Variants in CCDC180 observed in about 807,000 individuals in gnomAD.
CCDC180 encodes the protein coiled-coil domain containing 180, also known as coiled-coil domain-containing protein 180.
Under a neutral mutation model 209.2 loss-of-function variants are expected in CCDC180, and 154 were observed. That is an observed-to-expected ratio of 0.74 (90% CI 0.65 to 0.84). The LOEUF is 0.84. Ranked by LOEUF, CCDC180 falls within the 40% of genes least tolerant of loss-of-function variation. CCDC180 has a pLI of 0.00. For synonymous variants in CCDC180, 778 were observed against 749.1 expected (o/e 1.04, Z -0.63); for missense variants, 1,874 against 1,997.3 (o/e 0.94, Z 1.18).
chr9:97,316,931 C>T, intron 8 of CCDC180, 134 bp from the exon 9 acceptor site: 3 of 788,934 alleles, frequency 3.8e-6, no homozygotes, highest in Non-Finnish European at 6.1e-6. Flanking sequence ...CCCTTCAGGC[C>T]CTGCAACCAC....
At chr9:97,362,866 C>G (rs551755338) in intron 28 of CCDC180, among the ~76,000 whole-genome samples, 1 of 152,220 alleles carries the variant, frequency 6.6e-6, no homozygotes, top group African/African-American at 2.4e-5. Flanking sequence ...GCCTGGTTGA[C>G]ATGGGTTTGT....
At chr9:97,369,883 C>G (rs1045224155) in intron 31 of CCDC180, 39 bp from the exon 32 acceptor site, 1 of 1,610,640 alleles carries the variant, frequency 6.2e-7, no homozygotes, top group Non-Finnish European at 8.5e-7. Flanking sequence ...TGATTCTAAT[C>G]TGTTCCCTCC....
chr9:97,309,594 G>C lies in CCDC180; in HGVS notation c.250G>C (p.Val84Leu), dbSNP rs1184032859. The C allele has an allele frequency of 6.3e-7, 1 of 1,583,352 alleles. No homozygotes were observed. The highest frequency in any genetic ancestry group is 8.6e-7 in the Non-Finnish European group (1 of 1,167,078). The change falls in exon 3 of 37, where the codon GTT (valine) becomes CTT (leucine). Residue 84 changes from valine to leucine, a missense_variant. Transcript: ENST00000529487. ...LPNDWIMENP[V>L]LHREKERAKR... ...CAACGACTGGATCATGGAAAACCCT[G>C]TTCTCCACAGGTAGGTCCTGTTGTC... is the stretch of plus-strand genomic sequence containing the variant.
Position 97,319,150 on chromosome 9 carries a change from G to A in CCDC180, c.1079+568G>A, listed in dbSNP as rs532477525. Among the ~76,000 whole-genome samples, 3 of 152,296 alleles carry A rather than the reference G, an allele frequency of 2.0e-5. No homozygotes were observed. The South Asian group carries it at 6.2e-4, about 32-fold the overall frequency. ...GGCCTGCTTAGTCTGAAGGTGAGGT[G>A]AGGGGAAGAAGCACATTAGGAAAAA... On this transcript the variant is annotated intron_variant, in intron 10 of 36. Transcript: ENST00000529487.
At chr9:97,354,532 T>C (rs1826513443) in intron 22 of CCDC180, 37 bp from the exon 23 acceptor site, 1 of 1,610,798 alleles carries the variant, frequency 6.2e-7, no homozygotes, top group Non-Finnish European at 8.5e-7. Context: ...CTCTTAGGTC[T>C]GATCTGTGGC....
intron 22 of CCDC180, among the ~76,000 whole-genome samples, chr9:97,352,988 T>C (rs147157290): frequency 1.3e-3 from 195 of 151,158 alleles, no homozygotes; most frequent in African/African-American, 4.3e-3. Flanking sequence ...TATATATATA[T>C]ACACATATAT....
rs144975486 is a variant in CCDC180, at chr9:97,344,832, C to T, written c.2498+1269C>T. 2.4e-4 allele frequency among the ~76,000 whole-genome samples: 36 copies of T among 152,288 alleles called. 1 individual carries two copies. The East Asian group carries it at 6.2e-3, about 26-fold the overall frequency. Reference sequence around the variant, plus strand: ...TTGCCCAAATATGACACAGTTGATACCCAAAGCCCACAAGAAATAGAACCA... The same window carrying T: ...TTGCCCAAATATGACACAGTTGATATCCAAAGCCCACAAGAAATAGAACCA... On this transcript the variant is annotated intron_variant, in intron 19 of 36. Transcript: ENST00000529487.
chr9:97,343,516 A>T lies in CCDC180; in HGVS notation c.2451A>T (p.Ile817=), dbSNP rs1412259211. ...FINDTSSAKF[I]EQVTIPSRLI... Reference sequence around the variant, plus strand: ...ACGACACTTCCAGTGCCAAGTTCATAGAACAAGTGACAATTCCATCGAGAC... The same window carrying T: ...ACGACACTTCCAGTGCCAAGTTCATTGAACAAGTGACAATTCCATCGAGAC... Residue 817 remains isoleucine, a synonymous_variant, in exon 19 of 37, where the codon ATA becomes ATT. Coordinates refer to ENST00000529487, the MANE Select transcript of CCDC180 (RefSeq NM_020893.6). 6.2e-7 allele frequency: 1 copy of T among 1,614,150 alleles called. No homozygotes were observed. Among genetic ancestry groups the T allele is most frequent in the East Asian group, 2.2e-5 (1 of 44,882 alleles).
Position 97,307,676 on chromosome 9 carries a change from C to T in CCDC180, c.-212C>T. 3 of 1,543,796 alleles carry T rather than the reference C, an allele frequency of 1.9e-6. No homozygotes were observed. Among genetic ancestry groups the T allele is most frequent in the Non-Finnish European group, 2.7e-6 (3 of 1,120,062 alleles). On this transcript the variant is annotated 5_prime_UTR_variant, in exon 1 of 37. Coordinates refer to ENST00000529487, the MANE Select transcript of CCDC180 (RefSeq NM_020893.6). Reference sequence around the variant, plus strand: ...GACACCTTGAGCGCCGTTAACTTTTCCCCGAAGAGCATGGCAGAGTGAAGC... The same window carrying T: ...GACACCTTGAGCGCCGTTAACTTTTTCCCGAAGAGCATGGCAGAGTGAAGC...
At chr9:97,359,826 C>T (rs192769348) in intron 25 of CCDC180, among the ~76,000 whole-genome samples, 156 bp from the exon 26 acceptor site, 36 of 152,132 alleles carry the variant, frequency 2.4e-4, no homozygotes, top group African/African-American at 8.4e-4. Context: ...CCCAGCCTTC[C>T]CCACTCCCCA....
Position 97,355,021 on chromosome 9 carries a change from C to T in CCDC180, c.3264+13C>T, listed in dbSNP as rs369365994. On this transcript the variant is annotated intron_variant, in intron 24 of 36. Transcript: ENST00000529487. ...AATCAAGTGCCAGGTAGGATAGATTCATTCTTCATCAAGGATCTTTATCAC... is the reference window on the plus strand; with the variant it reads ...AATCAAGTGCCAGGTAGGATAGATTTATTCTTCATCAAGGATCTTTATCAC... 12 of 1,534,976 alleles carry T rather than the reference C, an allele frequency of 7.8e-6. No individual in the cohort carries two copies. In the East Asian group the frequency reaches 1.8e-4, roughly 23 times the overall value.
intron 23 of CCDC180, 38 bp from the exon 24 acceptor site, chr9:97,354,854 T>C (rs1826528847): frequency 6.4e-7 from 1 of 1,571,954 alleles, no homozygotes; most frequent in African/African-American, 1.4e-5. Flanking sequence ...AAGGTCCAAA[T>C]TAAGCCCCTG....
At chr9:97,357,536 A>G (rs1826616922) in intron 24 of CCDC180, 91 bp from the exon 25 acceptor site, 3 of 809,982 alleles carry the variant, frequency 3.7e-6, no homozygotes, top group Admixed American at 4.6e-5. Context: ...TCAGTGCTTA[A>G]TCAGTTTCTC....
chr9:97,354,814 G>T, intron 23 of CCDC180, 78 bp from the exon 24 acceptor site: 1 of 1,567,488 alleles, frequency 6.4e-7, no homozygotes, highest in Admixed American at 1.7e-5. Context: ...CCATTCACTG[G>T]GCCTGTCCCC....
chr9:97,366,799 G>A lies in CCDC180; in HGVS notation c.4189+99G>A. The A allele has an allele frequency of 7.5e-7, 1 of 1,331,094 alleles. No homozygotes were observed. The highest frequency in any genetic ancestry group is 1.0e-6 in the Non-Finnish European group (1 of 989,562). 82.5% of individuals were successfully genotyped at this position (1,331,094 alleles called of 1,614,324 possible). A position where few individuals can be genotyped will look rare whatever the true frequency, so the allele number is the denominator to read the frequency against. The stretch of plus-strand genomic sequence containing the variant: ...TTGTGGCCTGGATCCTCCCCTCTGG[G>A]GGAGGCAGAAGAGCTTCCCTGTGAA... On this transcript the variant is annotated intron_variant, in intron 31 of 36. Transcript: ENST00000529487. The surrounding 1 kb of genome is among the most constrained non-coding windows in gnomAD (Gnocchi z 4.3).
intron 18 of CCDC180, among the ~76,000 whole-genome samples, chr9:97,331,401 A>G (rs1331735937): frequency 6.6e-6 from 1 of 152,158 alleles, no homozygotes; most frequent in Non-Finnish European, 1.5e-5. Flanking sequence ...ATGTGTCTTT[A>G]TGGTAGAATG....
chr9:97,370,795 A>G lies in CCDC180; in HGVS notation c.4488+17A>G, dbSNP rs1827069424. The G allele has an allele frequency of 6.2e-7, 1 of 1,613,080 alleles. No homozygotes were observed. Among genetic ancestry groups the G allele is most frequent in the Non-Finnish European group, 8.5e-7 (1 of 1,179,552 alleles). Reference sequence around the variant, plus strand: ...AAGCTGGAGGTCAGTGATACCATTGATTCGCCAGTCCAGGCATGCTCCAAA... The same window carrying G: ...AAGCTGGAGGTCAGTGATACCATTGGTTCGCCAGTCCAGGCATGCTCCAAA... On this transcript the variant is annotated intron_variant, in intron 33 of 36. Transcript: ENST00000529487.
rs1301893387 is a variant in CCDC180, at chr9:97,361,716, T to C, written c.3484-10T>C. 3.1e-6 allele frequency: 5 copies of C among 1,613,514 alleles called. No homozygotes were observed. Among genetic ancestry groups the C allele is most frequent in the Non-Finnish European group, 4.2e-6 (5 of 1,179,840 alleles). ...CCTTACACCCTCAGGCCCTTCTCTCTGGCCTGCAGAACACCATCCTGAAGG... is the reference window on the plus strand; with the variant it reads ...CCTTACACCCTCAGGCCCTTCTCTCCGGCCTGCAGAACACCATCCTGAAGG... On this transcript the variant is annotated splice_polypyrimidine_tract_variant and intron_variant, in intron 26 of 36. Transcript: ENST00000529487.
intron 14 of CCDC180, 25 bp downstream of exon 14, chr9:97,325,217 T>G: frequency 1.3e-6 from 2 of 1,564,368 alleles, no homozygotes; most frequent in Non-Finnish European, 1.7e-6. Context: ...CGGGGCTCCA[T>G]GTTTCACACC....
Sources: allele counts gnomAD v4.1 joint callset (sites outside exome capture counted in the v4.1 genomes callset), GRCh38; gene constraint gnomAD v4.1.1; non-coding constraint Gnocchi (gnomAD v3.1); transcripts MANE v1.5; gene names NCBI Gene and HGNC (gene_info 2026-07-23, HGNC 2026-07-21).